The following GSTCD variants were observed in gnomAD, a reference collection of about 807,000 sequenced individuals.
GSTCD encodes glutathione S-transferase C-terminal domain containing.
In GSTCD, 44 loss-of-function variants were observed where a neutral mutation model predicts 68.3. That is an observed-to-expected ratio of 0.64 (90% confidence interval 0.51 to 0.83). GSTCD has a LOEUF of 0.83. GSTCD is among the 40% of genes least tolerant of loss of function. The probability of loss-of-function intolerance (pLI) is 0.00; values close to 1 mark genes in which losing one functional copy is unlikely to be tolerated. For missense variants in GSTCD, 739 were observed against 735.9 expected, an observed-to-expected ratio of 1.00 and a Z score of -0.05; for synonymous variants, 273 against 255.2, an observed-to-expected ratio of 1.07 and a Z score of -0.67.
chr4:105,839,769 T>C (rs981464544), intron 10 of GSTCD, among the ~76,000 whole-genome samples: 16 of 152,148 alleles, frequency 1.1e-4, no homozygotes, highest in African/African-American at 3.6e-4. Context: ...CTTTGAGTGA[T>C]GCTAGTTAAA....
rs1217855511 is a variant in GSTCD, at chr4:105,726,563, T to C, written c.895-16T>C. 1.3e-6 allele frequency: 2 copies of C among 1,503,940 alleles called. No homozygotes were observed. The highest frequency in any genetic ancestry group is 4.3e-5 in the Admixed American group (2 of 46,828). 93.2% of individuals were successfully genotyped at this position (1,503,940 alleles called of 1,614,324 possible). On this transcript the variant is annotated splice_polypyrimidine_tract_variant and intron_variant, in intron 3 of 11. Coordinates refer to ENST00000515279, the MANE Select transcript of GSTCD (RefSeq NM_001370181.1). ...AAAATATATATAATAATGTGTTTTA[T>C]TATTTTCCTACCTAGGTAATTATCA...
chr4:105,768,426 AG>A (rs1417252291), intron 5 of GSTCD, among the ~76,000 whole-genome samples: 1 of 152,186 alleles, frequency 6.6e-6, no homozygotes, highest in East Asian at 1.9e-4. Context: ...AGCAGTCTAT[AG>A]GTTTAAAAAT....
intron 5 of GSTCD, among the ~76,000 whole-genome samples, chr4:105,820,859 G>C (rs1272989607): frequency 8.5e-6 from 1 of 117,608 alleles, no homozygotes; most frequent in African/African-American, 3.0e-5. Context: ...ACCTAAGGAA[G>C]TTAGGTAATT....
At chr4:105,797,358 C>T (rs988930038) in intron 5 of GSTCD, among the ~76,000 whole-genome samples, 3 of 151,940 alleles carry the variant, frequency 2.0e-5, no homozygotes, top group Non-Finnish European at 2.9e-5. Flanking sequence ...TCCATACTAC[C>T]ACAATGAAGT....
At chr4:105,819,380 A>T (rs1020701013) in intron 5 of GSTCD, among the ~76,000 whole-genome samples, 2 of 151,792 alleles carry the variant, frequency 1.3e-5, no homozygotes, top group Non-Finnish European at 3.0e-5. Flanking sequence ...TTTATCTTCA[A>T]TGCACATACT....
At position 105,798,407 on chromosome 4, in the gene GSTCD, G is replaced by A. The variant is rs1244156080; in HGVS notation, c.1241-24547G>A. On this transcript the variant is annotated intron_variant, in intron 5 of 11. Transcript: ENST00000515279. Reference sequence around the variant, plus strand: ...AATGTTCTGAACGGCATCTAGATTGGCAAATCCTTTCCAGAAGGTTTTCAA... The same window carrying A: ...AATGTTCTGAACGGCATCTAGATTGACAAATCCTTTCCAGAAGGTTTTCAA... 2.6e-5 allele frequency among the ~76,000 whole-genome samples: 4 copies of A among 151,484 alleles called. No homozygotes were observed. In the South Asian group the frequency reaches 6.3e-4, roughly 24 times the overall value.
chr4:105,783,693 G>A (rs1010437277), intron 5 of GSTCD, among the ~76,000 whole-genome samples: 29 of 152,100 alleles, frequency 1.9e-4, no homozygotes, highest in African/African-American at 7.0e-4. Flanking sequence ...TCAAAGTCAG[G>A]AATTTTAATA....
chr4:105,714,611 TAGGG>T (rs1415494128), intron 1 of GSTCD, among the ~76,000 whole-genome samples: 3 of 151,136 alleles, frequency 2.0e-5, no homozygotes, highest in Admixed American at 2.0e-4. Context: ...TAGTACATAA[TAGGG>T]AGACATTATT....
intron 5 of GSTCD, among the ~76,000 whole-genome samples, chr4:105,736,534 C>T (rs1209856311): frequency 2.6e-5 from 4 of 151,898 alleles, no homozygotes; most frequent in African/African-American, 9.7e-5. Context: ...TACATGTATG[C>T]AATGCATAAT....
chr4:105,772,425 T>A (rs982296406), intron 5 of GSTCD, among the ~76,000 whole-genome samples: 1 of 150,998 alleles, frequency 6.6e-6, no homozygotes, highest in Non-Finnish European at 1.5e-5. Context: ...AGAGAGGAGA[T>A]CCTTGTGCCA....
intron 5 of GSTCD, among the ~76,000 whole-genome samples, chr4:105,763,423 A>AT (rs1396700475): frequency 2.6e-5 from 4 of 152,212 alleles, no homozygotes; most frequent in Non-Finnish European, 5.9e-5. Context: ...CCAATGATAT[A>AT]TGAACTGCTG....
At chr4:105,729,925 G>C (rs1253841059) in intron 5 of GSTCD, among the ~76,000 whole-genome samples, 6 of 151,950 alleles carry the variant, frequency 3.9e-5, no homozygotes, top group Non-Finnish European at 5.9e-5. Context: ...CCCGGTGTGT[G>C]ATGTTCCCCT....
intron 5 of GSTCD, among the ~76,000 whole-genome samples, chr4:105,792,004 A>T (rs1735695268): frequency 1.3e-5 from 2 of 152,140 alleles, no homozygotes; most frequent in African/African-American, 4.8e-5. Context: ...ATAATGTTTT[A>T]TGTCATTCTT....
chr4:105,845,654 A>G lies in GSTCD; in HGVS notation c.*77A>G. 1.3e-6 allele frequency: 2 copies of G among 1,481,988 alleles called. No individual in the cohort carries two copies. Among genetic ancestry groups the G allele is most frequent in the Non-Finnish European group, 9.3e-7 (1 of 1,070,100 alleles). The allele number at this position is 1,481,988 out of a possible 1,614,324, so 91.8% of individuals were successfully genotyped here. A position where few individuals can be genotyped will look rare whatever the true frequency, so the allele number is the denominator to read the frequency against. On this transcript the variant is annotated 3_prime_UTR_variant, in exon 12 of 12. Coordinates refer to ENST00000515279, the MANE Select transcript of GSTCD (RefSeq NM_001370181.1). ...CAGTGGCATTCAGGAGGTTCTTGGC[A>G]TAACTAGGAAACAGCATTAGCCATC...
At chr4:105,726,488 T>C (rs1260603734) in intron 3 of GSTCD, 91 bp from the exon 4 acceptor site, 2 of 752,532 alleles carry the variant, frequency 2.7e-6, no homozygotes, top group Non-Finnish European at 2.1e-6. Flanking sequence ...TACACTTAAA[T>C]GTGTGAATGT....
At chr4:105,829,474 A>G (rs181974378) in intron 8 of GSTCD, among the ~76,000 whole-genome samples, 54 of 152,324 alleles carry the variant, frequency 3.5e-4, no homozygotes, top group Non-Finnish European at 7.5e-4. Context: ...ACAGTTCCAC[A>G]TGGCTAGGGA....
chr4:105,710,091 A>C (rs1008636030), intron 1 of GSTCD, among the ~76,000 whole-genome samples: 1 of 152,040 alleles, frequency 6.6e-6, no homozygotes, highest in Non-Finnish European at 1.5e-5. Context: ...GTGAGGTCTC[A>C]CTTCAAAAAT....
chr4:105,785,742 T>TAA lies in GSTCD; in HGVS notation c.1241-37211_1241-37210insAA, dbSNP rs1453298330. ...CAGTAATGATGAGAATGTCTTCTCT[T>TAA]ACCAGGACAACTAGGAATAAAAAGG... On this transcript the variant is annotated intron_variant, in intron 5 of 11. Transcript: ENST00000515279. 5.3e-5 allele frequency among the ~76,000 whole-genome samples: 8 copies of TAA among 152,092 alleles called. No homozygotes were observed. The East Asian group carries it at 5.8e-4, about 11-fold the overall frequency.
chr4:105,756,505 C>G (rs1235729588), intron 5 of GSTCD, among the ~76,000 whole-genome samples: 2 of 149,426 alleles, frequency 1.3e-5, no homozygotes, highest in Non-Finnish European at 3.0e-5. Flanking sequence ...TACACACACA[C>G]ACACACACAC....
Sources: gnomAD v4.1 joint callset for allele counts (sites outside exome capture counted in the v4.1 genomes callset) on GRCh38, gnomAD v4.1.1 for gene constraint, MANE v1.5 for transcripts, NCBI Gene and HGNC (gene_info 2026-07-23, HGNC 2026-07-21) for gene names.